The following CLDN16 variants were observed in gnomAD, a reference collection of about 807,000 sequenced individuals.
CLDN16 encodes the protein claudin 16, also known as claudin-16.
CLDN16 carries 13 observed loss-of-function variants against 24.6 expected under a neutral mutation model. The ratio of observed to expected loss-of-function variants is 0.53; its 90% CI spans 0.34 to 0.84. The LOEUF (loss-of-function observed/expected upper bound fraction) is 0.84. CLDN16 is among the 40% of genes least tolerant of loss of function. The pLI, the probability that CLDN16 is intolerant of heterozygous loss-of-function variation, is 0.01. For missense variants in CLDN16, 298 were observed against 292.7 expected (o/e 1.02, Z -0.13); for synonymous variants, 116 against 106.7 (o/e 1.09, Z -0.54).
the CLDN16 span, among the ~76,000 whole-genome samples, chr3:190,296,596 C>T: frequency 6.8e-6 from 1 of 146,098 alleles, no homozygotes; most frequent in Non-Finnish European, 1.5e-5. Flanking sequence ...GTCGCCCAGG[C>T]TGGAGTGCAG....
chr3:190,337,380 C>T (rs548166882), intron 1 of CLDN16, among the ~76,000 whole-genome samples: 5 of 152,282 alleles, frequency 3.3e-5, no homozygotes, highest in Non-Finnish European at 7.4e-5. Context: ...CTCACCATTA[C>T]GTGTTAACCC....
chr3:190,305,026 C>T, the CLDN16 span, among the ~76,000 whole-genome samples: 1 of 152,158 alleles, frequency 6.6e-6, no homozygotes, highest in Non-Finnish European at 1.5e-5. Context: ...CTGGCCTTGG[C>T]CTTACCTTCA....
chr3:190,309,572 A>T, the CLDN16 span, among the ~76,000 whole-genome samples: 1 of 152,236 alleles, frequency 6.6e-6, no homozygotes, highest in Non-Finnish European at 1.5e-5. Context: ...GAATGTTGTT[A>T]CACGAGAGCT....
At chr3:190,345,577 C>A (rs952796804) in intron 1 of CLDN16, among the ~76,000 whole-genome samples, 1 of 152,150 alleles carries the variant, frequency 6.6e-6, no homozygotes, top group African/African-American at 2.4e-5. Flanking sequence ...AGGCCTAGCT[C>A]CGTCTCTCTT....
chr3:190,344,594 T>C (rs1348625052), intron 1 of CLDN16, among the ~76,000 whole-genome samples: 3 of 151,982 alleles, frequency 2.0e-5, no homozygotes, highest in Non-Finnish European at 4.4e-5. Context: ...ATTATATATG[T>C]ATGTATACTT....
At chr3:190,407,381 A>G (rs1229683109) in intron 3 of CLDN16, among the ~76,000 whole-genome samples, 3 of 152,190 alleles carry the variant, frequency 2.0e-5, no homozygotes, top group African/African-American at 7.2e-5. Context: ...TCAGGATATC[A>G]GTAAGCATAC....
At chr3:190,297,409 A>G in the CLDN16 span, among the ~76,000 whole-genome samples, 2 of 148,344 alleles carry the variant, frequency 1.3e-5, no homozygotes, top group Middle Eastern at 3.5e-3. Flanking sequence ...ATAGGCTTTC[A>G]TTTTACATAT....
chr3:190,319,623 C>G (rs74848629), upstream of CLDN16, among the ~76,000 whole-genome samples: 1,411 of 152,326 alleles, frequency 9.3e-3, 22 homozygotes, highest in African/African-American at 0.032. Flanking sequence ...GCCGGGAAGA[C>G]AAGTGTGCTC....
At chr3:190,405,109 T>C (rs1719059071) in intron 3 of CLDN16, among the ~76,000 whole-genome samples, 183 bp downstream of exon 3, 1 of 152,102 alleles carries the variant, frequency 6.6e-6, no homozygotes, top group Non-Finnish European at 1.5e-5. Context: ...AGCTAATTAG[T>C]CTTTTGTTAA....
chr3:190,300,904 A>G, the CLDN16 span, among the ~76,000 whole-genome samples: 1 of 152,176 alleles, frequency 6.6e-6, no homozygotes, highest in Non-Finnish European at 1.5e-5. Flanking sequence ...TTCTTTGATG[A>G]TACTCTCACA....
chr3:190,351,223 A>G (rs1326876642), intron 1 of CLDN16, among the ~76,000 whole-genome samples: 2 of 151,940 alleles, frequency 1.3e-5, no homozygotes, highest in Non-Finnish European at 2.9e-5. Context: ...GGCTGTCACC[A>G]TGCTTTCTGG....
At chr3:190,353,335 C>T (rs1005166071) in intron 1 of CLDN16, among the ~76,000 whole-genome samples, 1 of 152,026 alleles carries the variant, frequency 6.6e-6, no homozygotes, top group Non-Finnish European at 1.5e-5. Context: ...GTTATTATGT[C>T]TAAAATATAA....
the CLDN16 span, among the ~76,000 whole-genome samples, chr3:190,315,624 A>G: frequency 2.2e-4 from 33 of 151,968 alleles, no homozygotes; most frequent in Non-Finnish European, 4.1e-4. Context: ...CCTCCATTTT[A>G]TTTTTTCATA....
At chr3:190,406,644 G>A (rs1046610986) in intron 3 of CLDN16, among the ~76,000 whole-genome samples, 15 of 151,950 alleles carry the variant, frequency 9.9e-5, no homozygotes, top group African/African-American at 3.4e-4. Flanking sequence ...GGTTTAGAAA[G>A]GGAATTTCTA....
At chr3:190,367,130 C>G (rs146739512) in intron 1 of CLDN16, among the ~76,000 whole-genome samples, 106 of 152,014 alleles carry the variant, frequency 7.0e-4, no homozygotes, top group African/African-American at 2.4e-3. Context: ...TGATTAGAGA[C>G]ACTCATTTGT....
chr3:190,345,254 A>C (rs986075807), intron 1 of CLDN16, among the ~76,000 whole-genome samples: 1 of 152,142 alleles, frequency 6.6e-6, no homozygotes, highest in Non-Finnish European at 1.5e-5. Flanking sequence ...ATACTACCAG[A>C]TAAAAGGTCT....
At chr3:190,322,883 C>G (rs1240487202) in intron 1 of CLDN16, among the ~76,000 whole-genome samples, 2 of 152,008 alleles carry the variant, frequency 1.3e-5, no homozygotes, top group African/African-American at 4.8e-5. Context: ...GGCTTCCTCC[C>G]CCTTCTTTCC....
At chr3:190,344,389 ATTAT>A (rs1398012873) in intron 1 of CLDN16, among the ~76,000 whole-genome samples, 1 of 151,824 alleles carries the variant, frequency 6.6e-6, no homozygotes, top group Non-Finnish European at 1.5e-5. Flanking sequence ...GCTATTAAAT[ATTAT>A]TTAAACAGTC....
At chr3:190,306,342 G>A in the CLDN16 span, 1 of 152,202 alleles carries the variant, frequency 6.6e-6, no homozygotes, top group Non-Finnish European at 1.5e-5. Context: ...TTACTTCACT[G>A]TCTCATCACT....
Sources: gnomAD v4.1 joint callset for allele counts (sites outside exome capture counted in the v4.1 genomes callset) on GRCh38, gnomAD v4.1.1 for gene constraint, MANE v1.5 for transcripts, NCBI Gene and HGNC (gene_info 2026-07-23, HGNC 2026-07-21) for gene names.